Variants in CCSER1 observed in about 807,000 individuals in gnomAD.
CCSER1 encodes the protein coiled-coil serine rich protein 1.
A neutral mutation model predicts 82.0 loss-of-function variants in CCSER1; 41 were observed. That is an observed-to-expected ratio of 0.50 (90% CI 0.39 to 0.65). The LOEUF is 0.65. Among genes scored for constraint, CCSER1 ranks in the 30% least tolerant of loss-of-function variants. The pLI is 0.00. For missense variants in CCSER1, 1,119 were observed against 1,064.2 expected, an observed-to-expected ratio of 1.05 and a Z score of -0.72; for synonymous variants, 414 against 383.9, an observed-to-expected ratio of 1.08 and a Z score of -0.92.
chr4:91,226,101 C>T (rs1738182401), intron 10 of CCSER1, among the ~76,000 whole-genome samples: 1 of 151,816 alleles, frequency 6.6e-6, no homozygotes, highest in Non-Finnish European at 1.5e-5. Flanking sequence ...GTGTGCTGCA[C>T]CCATTAACTC....
intron 6 of CCSER1, among the ~76,000 whole-genome samples, chr4:90,646,917 C>T (rs888321889): frequency 1.6e-4 from 25 of 152,056 alleles, no homozygotes; most frequent in African/African-American, 4.8e-4. Flanking sequence ...TTACACAGAA[C>T]GCAAAATTGC....
chr4:90,919,057 A>G (rs1350956198), intron 8 of CCSER1, among the ~76,000 whole-genome samples: 2 of 147,978 alleles, frequency 1.4e-5, no homozygotes, highest in Admixed American at 1.4e-4. Flanking sequence ...ATACATTGGT[A>G]AATCTTAAGT....
In CCSER1 at chr4:91,065,887, G is replaced by C. The variant is rs182498082; in HGVS notation, c.2173-20063G>C. ...CAATAATATGACAATTAAAATGTTA[G>C]GAAAACACTGATTCAATATGTACTA... On this transcript the variant is annotated intron_variant, in intron 9 of 10. Coordinates refer to ENST00000509176, the MANE Select transcript of CCSER1 (RefSeq NM_001145065.2). 1.4e-3 allele frequency among the ~76,000 whole-genome samples: 216 copies of C among 151,990 alleles called. 1 individual carries two copies. The highest frequency in any genetic ancestry group is 5.1e-3 in the African/African-American group (211 of 41,482).
intron 5 of CCSER1, among the ~76,000 whole-genome samples, chr4:90,477,261 C>G (rs1765237192): frequency 6.6e-6 from 1 of 152,134 alleles, no homozygotes; most frequent in African/African-American, 2.4e-5. Flanking sequence ...GCAGAAAAAG[C>G]AGAAACTTTG....
chr4:90,368,361 C>G (rs1467083433), intron 3 of CCSER1, among the ~76,000 whole-genome samples: 1 of 151,834 alleles, frequency 6.6e-6, no homozygotes, highest in Non-Finnish European at 1.5e-5. Flanking sequence ...TGCGGCTTGG[C>G]ATGGTGGCTC....
chr4:90,723,860 G>T, intron 6 of CCSER1, 54 bp from the exon 7 acceptor site: 1 of 827,502 alleles, frequency 1.2e-6, no homozygotes, highest in African/African-American at 1.8e-5. Flanking sequence ...ATTATGAATA[G>T]TCAAAATGAC....
intron 10 of CCSER1, among the ~76,000 whole-genome samples, chr4:91,251,872 A>T (rs1474856879): frequency 6.6e-6 from 1 of 152,178 alleles, no homozygotes; most frequent in Non-Finnish European, 1.5e-5. Context: ...AGCAGTTGCC[A>T]TCGAATCTGT....
At chr4:90,636,051 T>TA in intron 6 of CCSER1, among the ~76,000 whole-genome samples, 1 of 151,782 alleles carries the variant, frequency 6.6e-6, no homozygotes, top group African/African-American at 2.4e-5. Flanking sequence ...AAAAGGCTGA[T>TA]AAAAAAAGAT....
intron 10 of CCSER1, among the ~76,000 whole-genome samples, chr4:91,476,099 A>G (rs1027587164): frequency 2.6e-5 from 4 of 151,920 alleles, no homozygotes; most frequent in African/African-American, 9.7e-5. Flanking sequence ...TGCAATAAAT[A>G]TGGAAGTGCA....
Position 90,309,496 on chromosome 4 carries a change from G to A in CCSER1, c.1212G>A (p.Ala404=), listed in dbSNP as rs765906575. ...LGFYEQHKAI[A]EHVKGIHPIS... ...TTTATGAGCAACATAAAGCAATAGCGGAACATGTAAAAGGGATCCATCCTA... is the reference window on the plus strand; with the variant it reads ...TTTATGAGCAACATAAAGCAATAGCAGAACATGTAAAAGGGATCCATCCTA... The change falls in exon 2 of 11, where the codon GCG becomes GCA. Residue 404 remains alanine (A), a synonymous_variant. Coordinates refer to ENST00000509176, the MANE Select transcript of CCSER1 (RefSeq NM_001145065.2). 1.4e-5 allele frequency: 23 copies of A among 1,613,702 alleles called. No individual in the cohort carries two copies. The highest frequency in any genetic ancestry group is 8.9e-5 in the East Asian group (4 of 44,860).
At chr4:91,184,126 T>A (rs1223118251) in intron 10 of CCSER1, among the ~76,000 whole-genome samples, 1 of 152,112 alleles carries the variant, frequency 6.6e-6, no homozygotes, top group Non-Finnish European at 1.5e-5. Flanking sequence ...AACATTGGAG[T>A]AATATTTCTT....
chr4:90,859,325 T>C (rs1050566901), intron 8 of CCSER1, among the ~76,000 whole-genome samples: 1 of 151,916 alleles, frequency 6.6e-6, no homozygotes, highest in African/African-American at 2.4e-5. Flanking sequence ...GTCCACTCAA[T>C]ATATGTATTT....
chr4:91,178,696 G>C (rs897217626), intron 10 of CCSER1, among the ~76,000 whole-genome samples: 1 of 152,014 alleles, frequency 6.6e-6, no homozygotes, highest in African/African-American at 2.4e-5. Flanking sequence ...GAGCCTATGT[G>C]TGTCTCTGCA....
intron 9 of CCSER1, among the ~76,000 whole-genome samples, chr4:91,043,776 C>T (rs1288816702): frequency 2.6e-5 from 4 of 151,844 alleles, no homozygotes; most frequent in Non-Finnish European, 5.9e-5. Context: ...TTAGTAGAGA[C>T]GGGGTTTTGC....
chr4:91,592,836 G>A (rs985884911), intron 10 of CCSER1, among the ~76,000 whole-genome samples: 1 of 148,040 alleles, frequency 6.8e-6, no homozygotes, highest in African/African-American at 2.5e-5. Context: ...TTTTTTTTTT[G>A]TTAAGTGGAG....
chr4:91,285,552 G>C (rs1316246322), intron 10 of CCSER1, among the ~76,000 whole-genome samples: 1 of 151,754 alleles, frequency 6.6e-6, no homozygotes, highest in Non-Finnish European at 1.5e-5. Context: ...CCAGTTAAGT[G>C]AGTTAATCCT....
intron 5 of CCSER1, among the ~76,000 whole-genome samples, chr4:90,475,257 G>C (rs372690854): frequency 1.1e-4 from 16 of 152,220 alleles, no homozygotes; most frequent in African/African-American, 3.4e-4. Flanking sequence ...TCAATACTGA[G>C]GCATGGCTAG....
intron 10 of CCSER1, among the ~76,000 whole-genome samples, chr4:91,187,740 C>G (rs1342659268): frequency 6.6e-6 from 1 of 152,066 alleles, no homozygotes; most frequent in African/African-American, 2.4e-5. Flanking sequence ...TTTAGTAGAG[C>G]TGTGGTTTCA....
chr4:90,758,099 TG>T (rs2149509119), intron 7 of CCSER1, among the ~76,000 whole-genome samples: 1 of 152,120 alleles, frequency 6.6e-6, no homozygotes, highest in African/African-American at 2.4e-5. Context: ...CCACCACACC[TG>T]GCTAACTTTG....
Sources: gnomAD v4.1 joint callset for allele counts (sites outside exome capture counted in the v4.1 genomes callset) on GRCh38, gnomAD v4.1.1 for gene constraint, MANE v1.5 for transcripts, NCBI Gene and HGNC (gene_info 2026-07-23, HGNC 2026-07-21) for gene names.